RBFOX3: variants seen among roughly 807,000 people sequenced by gnomAD.
RBFOX3 encodes the protein RNA binding protein fox-1 homolog 3.
A neutral mutation model predicts 48.7 loss-of-function variants in RBFOX3; 17 were observed. The observed-to-expected ratio is 0.35, with a 90% CI of 0.24 to 0.52. RBFOX3 has a LOEUF of 0.52. Among genes scored for constraint, RBFOX3 ranks in the 20% least tolerant of loss-of-function variants. The pLI, the probability that RBFOX3 is intolerant of heterozygous loss-of-function variation, is 0.94. For missense variants in RBFOX3, 382 were observed against 497.5 expected (o/e 0.77, Z 2.21); for synonymous variants, 212 against 209.5 (o/e 1.01, Z -0.10).
intron 5 of RBFOX3, among the ~76,000 whole-genome samples, chr17:79,108,697 TC>T (rs1269873213): frequency 6.6e-6 from 1 of 152,212 alleles, no homozygotes; most frequent in African/African-American, 2.4e-5. Flanking sequence ...GACAGGCTGC[TC>T]CCCTGCATTT....
At chr17:79,635,828 C>A in the RBFOX3 span, among the ~76,000 whole-genome samples, 2 of 152,246 alleles carry the variant, frequency 1.3e-5, no homozygotes, top group East Asian at 3.9e-4. Context: ...AGAGGCTCCA[C>A]CTCATTCATC....
At chr17:79,322,855 G>T (rs1410528055) in intron 2 of RBFOX3, among the ~76,000 whole-genome samples, 1 of 152,236 alleles carries the variant, frequency 6.6e-6, no homozygotes, top group Non-Finnish European at 1.5e-5. Flanking sequence ...TTGCCCAGAA[G>T]TTGCCTTCCC....
At chr17:79,332,655 CAA>C (rs1276436361) in intron 2 of RBFOX3, among the ~76,000 whole-genome samples, 12 of 141,878 alleles carry the variant, frequency 8.5e-5, no homozygotes, top group Admixed American at 7.5e-4. Context: ...GACAGAGAGA[CAA>C]AGAGAGATGG....
At chr17:79,155,444 C>A (rs1451853719) in intron 4 of RBFOX3, among the ~76,000 whole-genome samples, 1 of 152,274 alleles carries the variant, frequency 6.6e-6, no homozygotes, top group African/African-American at 2.4e-5. Context: ...CAGACGGATA[C>A]CTCGGAGCGG....
intron 4 of RBFOX3, among the ~76,000 whole-genome samples, chr17:79,229,726 G>A (rs1190357014): frequency 6.6e-6 from 1 of 152,114 alleles, no homozygotes; most frequent in Non-Finnish European, 1.5e-5. Flanking sequence ...TCTCCTACAG[G>A]GAGGCTTGAC....
At chr17:79,246,815 C>T (rs1019477305) in intron 3 of RBFOX3, among the ~76,000 whole-genome samples, 2 of 152,098 alleles carry the variant, frequency 1.3e-5, no homozygotes, top group Middle Eastern at 3.2e-3. Context: ...GCAGGGGATG[C>T]TGGGTTTGGT....
chr17:79,347,363 A>G (rs2083084135), intron 2 of RBFOX3, among the ~76,000 whole-genome samples: 1 of 152,044 alleles, frequency 6.6e-6, no homozygotes, highest in African/African-American at 2.4e-5. Context: ...GACCTCTTCA[A>G]CCTGGGCTCT....
In RBFOX3 at chr17:79,097,508, G is replaced by A. The variant is rs962781761; in HGVS notation, c.623-84C>T. The A allele has an allele frequency of 9.0e-6, 7 of 777,238 alleles. No individual in the cohort carries two copies. In the Admixed American group the frequency reaches 5.1e-4, roughly 57 times the overall value. 48.1% of individuals were successfully genotyped at this position (777,238 alleles called of 1,614,324 possible). ...CCCTCCCCGTACACCTAGCCCCCCC[G>A]CGCACCTAGCCCCCAACCCCTCCCC... On this transcript the variant is annotated intron_variant, in intron 10 of 14. Coordinates refer to ENST00000693108, the MANE Select transcript of RBFOX3 (RefSeq NM_001350451.2).
the RBFOX3 span, among the ~76,000 whole-genome samples, chr17:79,629,948 G>C: frequency 6.6e-6 from 1 of 152,172 alleles, no homozygotes; most frequent in African/African-American, 2.4e-5. Flanking sequence ...TCCTGGGCCT[G>C]GCAGTGGTTT....
intron 1 of RBFOX3, among the ~76,000 whole-genome samples, chr17:79,526,538 G>A (rs2086824917): frequency 6.6e-6 from 1 of 152,250 alleles, no homozygotes; most frequent in African/African-American, 2.4e-5. Context: ...TCTTGGACCA[G>A]GTCATGAGAT....
In RBFOX3 at chr17:79,362,050, G is replaced by A. The variant is rs1205389585; in HGVS notation, c.-174-54226C>T. Among the ~76,000 whole-genome samples, 5 of 152,082 alleles carry A rather than the reference G, an allele frequency of 3.3e-5. No individual in the cohort carries two copies. Among genetic ancestry groups the A allele is most frequent in the South Asian group, 2.1e-4 (1 of 4,818 alleles). On this transcript the variant is annotated intron_variant, in intron 2 of 14. Coordinates refer to ENST00000693108, the MANE Select transcript of RBFOX3 (RefSeq NM_001350451.2). The surrounding 1 kb of genome is among the most constrained non-coding windows in gnomAD (Gnocchi z 4.2). ...TGGACGAATGTTCCCTGCCTGCTGCGTATTTACTCAGTCATCAAAGCGCAA... is the reference window on the plus strand; with the variant it reads ...TGGACGAATGTTCCCTGCCTGCTGCATATTTACTCAGTCATCAAAGCGCAA...
intron 1 of RBFOX3, among the ~76,000 whole-genome samples, chr17:79,608,662 A>T (rs2093894188): frequency 6.6e-6 from 1 of 152,086 alleles, no homozygotes; most frequent in African/African-American, 2.4e-5. Flanking sequence ...TAACCCCTTC[A>T]GTGGTCCCCA....
chr17:79,646,400 T>C, the RBFOX3 span, among the ~76,000 whole-genome samples: 5 of 152,134 alleles, frequency 3.3e-5, no homozygotes, highest in African/African-American at 9.7e-5. Flanking sequence ...GACTGGGTAA[T>C]TGATAAAGAA....
At chr17:79,130,421 C>T (rs749019208) in intron 4 of RBFOX3, among the ~76,000 whole-genome samples, 39 of 152,356 alleles carry the variant, frequency 2.6e-4, no homozygotes, top group Non-Finnish European at 4.7e-4. Context: ...GCCACCAAGT[C>T]GCATGCTCTG....
At chr17:79,612,327 C>T (rs1375877437), upstream of RBFOX3, among the ~76,000 whole-genome samples, 2 of 152,206 alleles carry the variant, frequency 1.3e-5, no homozygotes, top group Non-Finnish European at 2.9e-5. Flanking sequence ...GCCTCCTCCT[C>T]GCACCTGACT....
intron 5 of RBFOX3, among the ~76,000 whole-genome samples, chr17:79,112,624 TG>T (rs981989566): frequency 8.6e-5 from 13 of 151,940 alleles, no homozygotes; most frequent in Non-Finnish European, 1.9e-4. Flanking sequence ...GCTGCCTGTG[TG>T]GGCCCCCGGG....
At chr17:79,217,834 G>T (rs1304183285) in intron 4 of RBFOX3, among the ~76,000 whole-genome samples, 1 of 152,162 alleles carries the variant, frequency 6.6e-6, no homozygotes, top group South Asian at 2.1e-4. Context: ...CAGATGTTCA[G>T]ATTAACCTTG....
intron 3 of RBFOX3, among the ~76,000 whole-genome samples, chr17:79,248,021 C>A (rs1160090653): frequency 6.6e-6 from 1 of 152,230 alleles, no homozygotes; most frequent in Non-Finnish European, 1.5e-5. Context: ...AACAGAGCCA[C>A]CAGAGGCAGT....
the RBFOX3 span, among the ~76,000 whole-genome samples, chr17:79,645,442 A>G: frequency 6.6e-6 from 1 of 152,112 alleles, no homozygotes; most frequent in Non-Finnish European, 1.5e-5. Flanking sequence ...TCCTCCTCAG[A>G]TATCCTCATG....
Sources: gnomAD v4.1 joint callset for allele counts (sites outside exome capture counted in the v4.1 genomes callset) on GRCh38, gnomAD v4.1.1 for gene constraint, Gnocchi (gnomAD v3.1) non-coding constraint, MANE v1.5 for transcripts, NCBI Gene and HGNC (gene_info 2026-07-23, HGNC 2026-07-21) for gene names.